The following FAM200C variants were observed in gnomAD, a reference collection of about 807,000 sequenced individuals.
At chr5:160,395,322 C>T in the FAM200C span, 14 of 1,614,066 alleles carry the variant, frequency 8.7e-6, no homozygotes, top group Non-Finnish European at 1.2e-5. Flanking sequence ...CCAGCTACAC[C>T]ACCATGCTGT....
chr5:160,395,402 C>A, the FAM200C span: 3 of 1,614,118 alleles, frequency 1.9e-6, no homozygotes, highest in South Asian at 2.2e-5. Context: ...ACACAACACA[C>A]ACTGTGGACG....
the FAM200C span, chr5:160,395,485 C>A: frequency 1.4e-5 from 23 of 1,613,116 alleles, no homozygotes; most frequent in Non-Finnish European, 2.0e-5. Flanking sequence ...TGCGTTTCTT[C>A]GACATGGCAC....
the FAM200C span, among the ~76,000 whole-genome samples, chr5:160,398,825 A>G: frequency 2.0e-5 from 3 of 152,264 alleles, no homozygotes; most frequent in African/African-American, 7.2e-5. Flanking sequence ...TATCCTAAAA[A>G]ACGTAAACAT....
At chr5:160,396,367 C>T in the FAM200C span, among the ~76,000 whole-genome samples, 2 of 152,152 alleles carry the variant, frequency 1.3e-5, no homozygotes, top group South Asian at 4.1e-4. Flanking sequence ...TAAGCCACCC[C>T]TGATGCAAAG....
At chr5:160,398,248 C>T in the FAM200C span, among the ~76,000 whole-genome samples, 1 of 151,882 alleles carries the variant, frequency 6.6e-6, no homozygotes, top group African/African-American at 2.4e-5. Flanking sequence ...GTGACACAGC[C>T]AGACTCTGTC....
chr5:160,396,477 G>A, the FAM200C span, among the ~76,000 whole-genome samples: 4 of 152,006 alleles, frequency 2.6e-5, no homozygotes, highest in African/African-American at 4.8e-5. Flanking sequence ...ATGGTCGGGC[G>A]TGGTAGCTCA....
the FAM200C span, chr5:160,394,350 A>G: frequency 6.2e-7 from 1 of 1,613,976 alleles, no homozygotes; most frequent in Non-Finnish European, 8.5e-7. Context: ...AAGTGTTTGA[A>G]TAAATCTGCA....
At chr5:160,395,042 A>G in the FAM200C span, 6 of 1,613,972 alleles carry the variant, frequency 3.7e-6, no homozygotes, top group Admixed American at 3.3e-5. Flanking sequence ...CATTTCATCA[A>G]TTCTAGAATG....
the FAM200C span, chr5:160,394,093 A>C: frequency 2.4e-5 from 38 of 1,613,254 alleles, no homozygotes; most frequent in Admixed American, 5.0e-5. Flanking sequence ...CCTCATTAAG[A>C]TCTCCAATGG....
chr5:160,397,598 A>C, the FAM200C span: 2 of 152,366 alleles, frequency 1.3e-5, no homozygotes, highest in Admixed American at 1.3e-4. Context: ...AAGAATATCC[A>C]CTTAAAGCAT....
At chr5:160,394,507 A>G in the FAM200C span, 1 of 1,614,060 alleles carries the variant, frequency 6.2e-7, no homozygotes, top group African/African-American at 1.3e-5. Flanking sequence ...TCATTTCAGT[A>G]TGGAAAAGGA....
At chr5:160,394,787 T>A in the FAM200C span, 1 of 1,613,942 alleles carries the variant, frequency 6.2e-7, no homozygotes, top group African/African-American at 1.3e-5. Context: ...GCCACATACA[T>A]CAAGTGCTAT....
chr5:160,394,239 G>A, the FAM200C span: 21 of 1,612,340 alleles, frequency 1.3e-5, no homozygotes, highest in African/African-American at 4.0e-5. Context: ...TTCTCAATTC[G>A]TTTTTGCCAA....
the FAM200C span, among the ~76,000 whole-genome samples, chr5:160,396,697 GGAA>G: frequency 8.1e-5 from 4 of 49,266 alleles, no homozygotes; most frequent in Non-Finnish European, 1.4e-4. Flanking sequence ...AAGTCTCTGT[GGAA>G]AAAAAAAAAA....
At chr5:160,394,465 G>A in the FAM200C span, 53 of 1,613,812 alleles carry the variant, frequency 3.3e-5, no homozygotes, top group Non-Finnish European at 4.4e-5. Context: ...TTTCAAAAAT[G>A]TGAGTAAGTA....
At chr5:160,399,870 C>A in the FAM200C span, 1 of 152,248 alleles carries the variant, frequency 6.6e-6, no homozygotes, top group Non-Finnish European at 1.5e-5. Context: ...TTCTTTTAGG[C>A]GCCCGTTTCA....
chr5:160,394,688 A>G, the FAM200C span: 1 of 1,614,206 alleles, frequency 6.2e-7, no homozygotes, highest in Non-Finnish European at 8.5e-7. Flanking sequence ...ACAATGTGTA[A>G]CTACGATATG....
chr5:160,394,444 T>C, the FAM200C span: 3 of 1,613,874 alleles, frequency 1.9e-6, no homozygotes, highest in Non-Finnish European at 2.5e-6. Flanking sequence ...ACTGATTTAT[T>C]TCTTCATACA....
the FAM200C span, chr5:160,393,752 G>A: frequency 2.8e-5 from 43 of 1,554,152 alleles, no homozygotes; most frequent in Admixed American, 6.6e-4. Flanking sequence ...AATGATGTCC[G>A]AGAAACGAGG....
Sources: allele counts gnomAD v4.1 joint callset (sites outside exome capture counted in the v4.1 genomes callset), GRCh38; gene constraint gnomAD v4.1.1; transcripts MANE v1.5.